Variants in PLCB1 observed in about 807,000 individuals in gnomAD.
PLCB1 encodes the protein 1-phosphatidylinositol 4,5-bisphosphate phosphodiesterase beta-1.
In PLCB1, 46 loss-of-function variants were observed where a neutral mutation model predicts 161.8. The ratio of observed to expected loss-of-function variants is 0.28; its 90% CI spans 0.22 to 0.36. PLCB1 has a LOEUF of 0.36. PLCB1 is among the 10% of genes least tolerant of loss of function. The pLI, the probability that PLCB1 is intolerant of heterozygous loss-of-function variation, is 1.00. For missense variants in PLCB1, 1,016 were observed against 1,472.5 expected (o/e 0.69, Z 5.07); for synonymous variants, 517 against 503.7 (o/e 1.03, Z -0.35).
chr20:8,520,596 C>T (rs1027201826), intron 3 of PLCB1, among the ~76,000 whole-genome samples: 2 of 152,094 alleles, frequency 1.3e-5, no homozygotes, highest in African/African-American at 4.8e-5. Context: ...AATATACAAA[C>T]TCATCTAACA....
chr20:8,496,634 A>C (rs1223473998), intron 3 of PLCB1, among the ~76,000 whole-genome samples: 1 of 152,166 alleles, frequency 6.6e-6, no homozygotes, highest in Non-Finnish European at 1.5e-5. Flanking sequence ...ATGGAGGTAG[A>C]TTTTCTTCCC....
At chr20:8,276,897 A>C in intron 2 of PLCB1, among the ~76,000 whole-genome samples, 1 of 143,770 alleles carries the variant, frequency 7.0e-6, no homozygotes, top group African/African-American at 2.6e-5. Flanking sequence ...TCTTAACCCC[A>C]CTCTTGGGTA....
chr20:8,737,681 CT>C (rs1414000551), intron 20 of PLCB1, among the ~76,000 whole-genome samples: 3 of 152,186 alleles, frequency 2.0e-5, no homozygotes, highest in Admixed American at 1.3e-4. Flanking sequence ...GGGCCCTTCT[CT>C]TTCTTCACCA....
At position 8,333,794 on chromosome 20, in the gene PLCB1, C is replaced by T. The variant is rs74380910; in HGVS notation, c.178-37588C>T. Among the ~76,000 whole-genome samples, 8 of 152,288 alleles carry T rather than the reference C, an allele frequency of 5.3e-5. No individual in the cohort carries two copies. In the East Asian group the frequency reaches 7.7e-4, roughly 15 times the overall value. ...CAACTGGTAGAGACCCTGTGTGGCCCCTGCTCTGCACTGGGTCTTACTTAC... is the reference window on the plus strand; with the variant it reads ...CAACTGGTAGAGACCCTGTGTGGCCTCTGCTCTGCACTGGGTCTTACTTAC... On this transcript the variant is annotated intron_variant, in intron 2 of 31. Coordinates refer to ENST00000338037, the MANE Select transcript of PLCB1 (RefSeq NM_015192.4).
chr20:8,309,949 G>T lies in PLCB1; in HGVS notation c.178-61433G>T, dbSNP rs868516148. Among the ~76,000 whole-genome samples, 3 of 152,200 alleles carry T rather than the reference G, an allele frequency of 2.0e-5. No individual in the cohort carries two copies. In the South Asian group the frequency reaches 6.2e-4, roughly 32 times the overall value. ...ATTGCTACTGCTATGCCTAAGTACT[G>T]ATATGGTTGATTGGTTTTCTTAGGT... On this transcript the variant is annotated intron_variant, in intron 2 of 31. Transcript: ENST00000338037.
At chr20:8,348,201 A>ATT (rs2122247056) in intron 2 of PLCB1, among the ~76,000 whole-genome samples, 1 of 152,342 alleles carries the variant, frequency 6.6e-6, no homozygotes, top group East Asian at 1.9e-4. Context: ...AAGGAGAATT[A>ATT]TTCAATCAGT....
intron 2 of PLCB1, among the ~76,000 whole-genome samples, chr20:8,154,231 C>G (rs1418588784): frequency 6.6e-6 from 1 of 152,150 alleles, no homozygotes; most frequent in African/African-American, 2.4e-5. Context: ...CTATATCATT[C>G]CGTTAAATTG....
At chr20:8,165,546 G>C (rs1281174569) in intron 2 of PLCB1, among the ~76,000 whole-genome samples, 1 of 152,154 alleles carries the variant, frequency 6.6e-6, no homozygotes, top group Non-Finnish European at 1.5e-5. Flanking sequence ...TGTTGATTCT[G>C]TCTGACTCTT....
chr20:8,809,475 T>C (rs7346610), intron 31 of PLCB1, among the ~76,000 whole-genome samples: 9,622 of 152,178 alleles, frequency 0.063, 704 homozygotes, highest in South Asian at 0.2. Context: ...GTCACGACTT[T>C]GTTACTTTGA....
chr20:8,231,216 T>G (rs1272017745), intron 2 of PLCB1, among the ~76,000 whole-genome samples: 1 of 152,162 alleles, frequency 6.6e-6, no homozygotes, highest in Non-Finnish European at 1.5e-5. Flanking sequence ...TTCTCTCCAT[T>G]TAGATCAGCA....
chr20:8,136,663 A>T (rs2051353514), intron 1 of PLCB1, among the ~76,000 whole-genome samples: 2 of 151,946 alleles, frequency 1.3e-5, no homozygotes, highest in African/African-American at 4.8e-5. Flanking sequence ...CAAAAATAAG[A>T]TGGACGTGAA....
At chr20:8,651,147 A>G (rs1989309671) in intron 7 of PLCB1, among the ~76,000 whole-genome samples, 2 of 152,198 alleles carry the variant, frequency 1.3e-5, no homozygotes, top group Admixed American at 1.3e-4. Flanking sequence ...GCAACAAGGA[A>G]GCCTTTACCT....
At chr20:8,324,405 C>A (rs888300913) in intron 2 of PLCB1, among the ~76,000 whole-genome samples, 1 of 152,066 alleles carries the variant, frequency 6.6e-6, no homozygotes, top group African/African-American at 2.4e-5. Context: ...AAACAATAGG[C>A]TTTGTATAGA....
intron 3 of PLCB1, among the ~76,000 whole-genome samples, chr20:8,604,371 T>C (rs1485617250): frequency 2.0e-5 from 3 of 152,018 alleles, no homozygotes; most frequent in African/African-American, 2.4e-5. Flanking sequence ...TATGCCAGTC[T>C]AAAGAAATCT....
chr20:8,764,361 C>T (rs6118315), intron 25 of PLCB1, among the ~76,000 whole-genome samples: 1 of 152,078 alleles, frequency 6.6e-6, no homozygotes, highest in African/African-American at 2.4e-5. Context: ...GTTGTAGAAC[C>T]TGCACAGTTA....
intron 24 of PLCB1, among the ~76,000 whole-genome samples, chr20:8,759,763 G>T (rs368761188): frequency 2.4e-4 from 37 of 152,196 alleles, no homozygotes; most frequent in African/African-American, 8.4e-4. Flanking sequence ...GCCTCCCAGC[G>T]TTTGACTTTT....
chr20:8,762,510 G>A (rs996481965), intron 25 of PLCB1, among the ~76,000 whole-genome samples: 2 of 152,188 alleles, frequency 1.3e-5, no homozygotes, highest in Admixed American at 1.3e-4. Flanking sequence ...TCGTAGGTTA[G>A]AACATCTAGA....
rs548278658 is a variant in PLCB1 at position 8,563,058 on chromosome 20, A to C, written c.247-65236A>C. 2.6e-5 allele frequency among the ~76,000 whole-genome samples: 4 copies of C among 152,148 alleles called. No homozygotes were observed. In the South Asian group the frequency reaches 8.3e-4, roughly 32 times the overall value. On this transcript the variant is annotated intron_variant, in intron 3 of 31. Transcript: ENST00000338037. ...AACCTATGAGACTTATAGTATGTAGATGTATGATACTGACAGCCAAAACAG... is the reference window on the plus strand; with the variant it reads ...AACCTATGAGACTTATAGTATGTAGCTGTATGATACTGACAGCCAAAACAG...
chr20:8,307,882 C>T (rs180926743), intron 2 of PLCB1, among the ~76,000 whole-genome samples: 92 of 151,944 alleles, frequency 6.1e-4, no homozygotes, highest in Admixed American at 3.7e-3. Flanking sequence ...AAGATAGTGT[C>T]ACTGCACTCC....
Sources: allele counts gnomAD v4.1 joint callset (sites outside exome capture counted in the v4.1 genomes callset), GRCh38; gene constraint gnomAD v4.1.1; transcripts MANE v1.5; gene names NCBI Gene and HGNC (gene_info 2026-07-23, HGNC 2026-07-21).